The following RBFOX1 variants were observed in gnomAD, a reference collection of about 807,000 sequenced individuals.
RBFOX1 encodes the protein RNA binding fox-1 homolog 1.
In RBFOX1, 8 loss-of-function variants were observed where a neutral mutation model predicts 57.7. The ratio of observed to expected loss-of-function variants is 0.14; its 90% CI spans 0.08 to 0.25. RBFOX1 has a LOEUF of 0.25. Among genes scored for constraint, RBFOX1 ranks in the 10% least tolerant of loss-of-function variants. The pLI, the probability that RBFOX1 is intolerant of heterozygous loss-of-function variation, is 1.00. For synonymous variants in RBFOX1, 326 were observed against 222.4 expected, an observed-to-expected ratio of 1.47 and a Z score of -4.15; for missense variants, 611 against 548.5, an observed-to-expected ratio of 1.11 and a Z score of -1.14.
chr16:6,553,245 T>C (rs1032760178), intron 2 of RBFOX1, among the ~76,000 whole-genome samples: 5 of 152,204 alleles, frequency 3.3e-5, no homozygotes, highest in African/African-American at 1.2e-4. Flanking sequence ...GGGTCATCAC[T>C]ATAAATCAAT....
At chr16:7,588,588 A>G (rs1483824311) in intron 7 of RBFOX1, among the ~76,000 whole-genome samples, 3 of 152,166 alleles carry the variant, frequency 2.0e-5, no homozygotes, top group East Asian at 3.9e-4. Flanking sequence ...TCCTCAGACT[A>G]TGAATGCAAA....
At chr16:5,675,490 C>T (rs2050139351) in intron 3 of RBFOX1, among the ~76,000 whole-genome samples, 1 of 152,160 alleles carries the variant, frequency 6.6e-6, no homozygotes, top group African/African-American at 2.4e-5. Context: ...GACAATTGCT[C>T]CCCAAACACA....
In RBFOX1 at chr16:7,063,200, C is replaced by T. The variant is rs572302497; in HGVS notation, c.27+11102C>T. ...CCTGAATTTGTACATCTTTTTGGGTCAGTTCTCAGTCATCAAGAGCAGGTA... is the reference window on the plus strand; with the variant it reads ...CCTGAATTTGTACATCTTTTTGGGTTAGTTCTCAGTCATCAAGAGCAGGTA... On this transcript the variant is annotated intron_variant, in intron 4 of 15. Coordinates refer to ENST00000550418, the MANE Select transcript of RBFOX1 (RefSeq NM_018723.4). Among the ~76,000 whole-genome samples, 16 of 152,048 alleles carry T rather than the reference C, an allele frequency of 1.1e-4. No homozygotes were observed. The East Asian group carries it at 2.9e-3, about 28-fold the overall frequency.
rs191070881 is a variant in RBFOX1, at chr16:6,653,441, G to C, written c.-63-1162G>C. On this transcript the variant is annotated intron_variant, in intron 2 of 15. Coordinates refer to ENST00000550418, the MANE Select transcript of RBFOX1 (RefSeq NM_018723.4). ...GTTGCTAAAGAAATATCTTCCATTT[G>C]AATAAGTTAATGCCACTATTGCTTG... is the stretch of plus-strand genomic sequence containing the variant. 2.1e-3 allele frequency among the ~76,000 whole-genome samples: 325 copies of C among 152,212 alleles called. 2 individuals carry two copies. The highest frequency in any genetic ancestry group is 5.1e-3 in the Admixed American group (78 of 15,282).
chr16:6,277,311 C>T (rs909841035), intron 1 of RBFOX1, among the ~76,000 whole-genome samples: 1 of 151,408 alleles, frequency 6.6e-6, no homozygotes. Flanking sequence ...AAATACGAAA[C>T]TTAGCCAGGT....
At chr16:6,235,706 A>G (rs1052047856) in intron 1 of RBFOX1, among the ~76,000 whole-genome samples, 11 of 152,254 alleles carry the variant, frequency 7.2e-5, no homozygotes, top group Admixed American at 1.3e-4. Context: ...TGGCATTCAC[A>G]GTGATCTGAA....
chr16:7,282,026 T>A (rs529525667), intron 4 of RBFOX1, among the ~76,000 whole-genome samples: 2 of 147,434 alleles, frequency 1.4e-5, no homozygotes, highest in East Asian at 4.1e-4. Flanking sequence ...CCATCACGCC[T>A]GGCAATTTTT....
intron 3 of RBFOX1, among the ~76,000 whole-genome samples, chr16:7,011,590 T>C (rs2093655813): frequency 6.6e-6 from 1 of 152,214 alleles, no homozygotes; most frequent in African/African-American, 2.4e-5. Flanking sequence ...CTCGGCTCAC[T>C]GCAAGCTCCG....
intron 3 of RBFOX1, among the ~76,000 whole-genome samples, chr16:6,882,466 T>C (rs1492379): frequency 0.26 from 39,400 of 151,974 alleles, 5,406 homozygotes; most frequent in African/African-American, 0.35. Flanking sequence ...TGGTGGTACG[T>C]GCTTGTAATC....
intron 3 of RBFOX1, among the ~76,000 whole-genome samples, chr16:5,608,095 G>C (rs1019382188): frequency 6.6e-6 from 1 of 152,176 alleles, no homozygotes; most frequent in Non-Finnish European, 1.5e-5. Context: ...TCCAAAAGTT[G>C]CCCAAAGTGG....
intron 1 of RBFOX1, among the ~76,000 whole-genome samples, chr16:6,093,814 C>G (rs1036047420): frequency 2.0e-5 from 3 of 151,514 alleles, no homozygotes; most frequent in Non-Finnish European, 4.4e-5. Context: ...AGATGGGGGT[C>G]TCACTGTGTT....
intron 2 of RBFOX1, among the ~76,000 whole-genome samples, chr16:6,551,999 C>G (rs1047348425): frequency 1.3e-5 from 2 of 152,194 alleles, no homozygotes; most frequent in South Asian, 2.1e-4. Flanking sequence ...CCAGTCAATT[C>G]AGAACATCTA....
chr16:6,256,942 G>A (rs550461973), intron 1 of RBFOX1, among the ~76,000 whole-genome samples: 242 of 152,222 alleles, frequency 1.6e-3, no homozygotes, highest in Non-Finnish European at 3.1e-3. Context: ...TCCTAATAAT[G>A]TGTGCACCCC....
chr16:6,207,412 G>C (rs1057325638), intron 1 of RBFOX1, among the ~76,000 whole-genome samples: 13 of 152,164 alleles, frequency 8.5e-5, no homozygotes, highest in African/African-American at 2.9e-4. Context: ...GACAAGATTA[G>C]GAAGAGGCAA....
intron 3 of RBFOX1, chr16:6,705,328 G>C (rs1401967154): frequency 6.6e-6 from 1 of 152,218 alleles, no homozygotes; most frequent in Non-Finnish European, 1.5e-5. Context: ...AGTCTAGAGC[G>C]ATCCATGGCA....
chr16:7,359,415 T>C (rs2097277415), intron 4 of RBFOX1, among the ~76,000 whole-genome samples: 1 of 152,194 alleles, frequency 6.6e-6, no homozygotes, highest in African/African-American at 2.4e-5. Context: ...CACATGTGAA[T>C]GTGTGATACT....
At chr16:6,661,826 A>G (rs1198471485) in intron 3 of RBFOX1, among the ~76,000 whole-genome samples, 1 of 152,224 alleles carries the variant, frequency 6.6e-6, no homozygotes, top group Non-Finnish European at 1.5e-5. Context: ...TGCCTGGATT[A>G]TTTGGTAGTT....
intron 2 of RBFOX1, among the ~76,000 whole-genome samples, chr16:6,521,371 T>G (rs543007723): frequency 6.6e-6 from 1 of 152,144 alleles, no homozygotes; most frequent in African/African-American, 2.4e-5. Flanking sequence ...CATTTAATTT[T>G]AATTAAACCT....
intron 3 of RBFOX1, among the ~76,000 whole-genome samples, chr16:5,858,938 G>T (rs1267923697): frequency 1.3e-5 from 2 of 152,200 alleles, no homozygotes; most frequent in Admixed American, 1.3e-4. Flanking sequence ...TTTGGGGCCG[G>T]GTCTGGTGGC....
Sources: allele counts gnomAD v4.1 joint callset (sites outside exome capture counted in the v4.1 genomes callset), GRCh38; gene constraint gnomAD v4.1.1; transcripts MANE v1.5; gene names NCBI Gene and HGNC (gene_info 2026-07-23, HGNC 2026-07-21).